The following FRMPD4 variants were observed in gnomAD, a reference collection of about 807,000 sequenced individuals.
FRMPD4 encodes the protein FERM and PDZ domain-containing protein 4.
A neutral mutation model predicts 94.1 loss-of-function variants in FRMPD4; 22 were observed. The observed-to-expected ratio is 0.23, with a 90% confidence interval of 0.17 to 0.33. FRMPD4 has a LOEUF of 0.33. Ranked by LOEUF, FRMPD4 falls within the 10% of genes least tolerant of loss-of-function variation. The probability of loss-of-function intolerance (pLI) is 1.00; values close to 1 mark genes in which losing one functional copy is unlikely to be tolerated. For synonymous variants in FRMPD4, 631 were observed against 548.6 expected (o/e 1.15, Z -2.10); for missense variants, 1,111 against 1,339.9 (o/e 0.83, Z 2.67).
intron 1 of FRMPD4, among the ~76,000 whole-genome samples, chrX:12,251,893 G>C (rs973427659): frequency 3.6e-5 from 4 of 112,021 alleles, no homozygotes; most frequent in Non-Finnish European, 7.5e-5. Flanking sequence ...ATTAGGCAAA[G>C]TGGCCGACCA....
At chrX:12,313,237 T>C (rs145670505) in intron 1 of FRMPD4, among the ~76,000 whole-genome samples, 1,504 of 111,744 alleles carry the variant, frequency 0.013, 28 homozygotes, top group African/African-American at 0.047. Flanking sequence ...GTGTCATTAG[T>C]GATTAGGAGG....
chrX:12,426,827 A>G (rs2056950407), intron 1 of FRMPD4, among the ~76,000 whole-genome samples: 1 of 110,762 alleles, frequency 9.0e-6, no homozygotes, highest in Non-Finnish European at 1.9e-5. Flanking sequence ...TTGACTTGGA[A>G]ATAAAACGCC....
At chrX:12,471,790 C>G (rs1267148391) in intron 1 of FRMPD4, among the ~76,000 whole-genome samples, 1 of 112,006 alleles carries the variant, frequency 8.9e-6, no homozygotes, top group African/African-American at 3.3e-5. Context: ...GTTTCACAAC[C>G]TTGGCACTCT....
chrX:11,931,012 G>A (rs1183141750), intron 3 of FRMPD4, among the ~76,000 whole-genome samples: 1 of 111,327 alleles, frequency 9.0e-6, no homozygotes, highest in African/African-American at 3.3e-5. Flanking sequence ...AGCCTGTCAG[G>A]GGAAACTTAA....
intron 2 of FRMPD4, among the ~76,000 whole-genome samples, chrX:12,539,219 A>T (rs2058376445): frequency 8.9e-6 from 1 of 112,038 alleles, no homozygotes. Context: ...AAATGAAGCA[A>T]GAAGAGAAGT....
intron 4 of FRMPD4, among the ~76,000 whole-genome samples, chrX:12,669,193 T>G (rs939748418): frequency 4.5e-5 from 5 of 111,472 alleles, no homozygotes; most frequent in African/African-American, 1.6e-4. Flanking sequence ...GCCACGTTGG[T>G]GAGATGGGGA....
At chrX:12,631,524 C>T in intron 4 of FRMPD4, among the ~76,000 whole-genome samples, 1 of 110,948 alleles carries the variant, frequency 9.0e-6, no homozygotes, top group Middle Eastern at 4.6e-3. Flanking sequence ...AGGTATTTCT[C>T]CTAATGCTAT....
chrX:12,278,071 C>A (rs1176031180), intron 1 of FRMPD4, among the ~76,000 whole-genome samples: 1 of 112,737 alleles, frequency 8.9e-6, no homozygotes, highest in Non-Finnish European at 1.9e-5. Context: ...ATTTTTTATT[C>A]TCTAGTTAGA....
intron 3 of FRMPD4, among the ~76,000 whole-genome samples, chrX:11,927,251 T>C (rs1455600836): frequency 8.9e-6 from 1 of 111,746 alleles, no homozygotes; most frequent in Non-Finnish European, 1.9e-5. Context: ...TCAGACATGA[T>C]GCAAACAAAT....
chrX:12,717,757 C>A lies in FRMPD4; in HGVS notation c.2931C>A (p.Thr977=), dbSNP rs759789728. The A allele has an allele frequency of 8.3e-7, 1 of 1,211,809 alleles. No homozygotes were observed. The highest frequency in any genetic ancestry group is 1.1e-6 in the Non-Finnish European group (1 of 895,368). ...SSHALAARPA[T]DLPPKVVPSK... ...ACGCCCTGGCTGCTAGGCCAGCAAC[C>A]GACCTCCCGCCCAAAGTTGTGCCTT... is the stretch of plus-strand genomic sequence containing the variant. The change falls in exon 16 of 17, where the codon ACC becomes ACA. Residue 977 remains threonine (T), a synonymous_variant. Transcript: ENST00000675598.
At chrX:12,585,436 G>A (rs759478857) in intron 2 of FRMPD4, among the ~76,000 whole-genome samples, 147 of 110,106 alleles carry the variant, frequency 1.3e-3, no homozygotes, top group African/African-American at 4.4e-3. Context: ...GGCCAGGCTG[G>A]TCTCGAACTC....
chrX:12,688,783 G>A (rs1197183542), intron 7 of FRMPD4, among the ~76,000 whole-genome samples: 2 of 104,752 alleles, frequency 1.9e-5, no homozygotes, highest in Non-Finnish European at 3.9e-5. Flanking sequence ...CATAGTCAAG[G>A]CATTTCTCTT....
intron 2 of FRMPD4, among the ~76,000 whole-genome samples, chrX:12,580,565 T>G (rs1037475020): frequency 8.9e-6 from 1 of 112,478 alleles, no homozygotes; most frequent in Non-Finnish European, 1.9e-5. Flanking sequence ...TATGTGAATG[T>G]GGTCTCTTTC....
At chrX:12,060,019 G>C (rs1387756088) in intron 3 of FRMPD4, among the ~76,000 whole-genome samples, 6 of 111,533 alleles carry the variant, frequency 5.4e-5, no homozygotes. Flanking sequence ...CCTTGTGGAA[G>C]ATGGATTCTA....
rs777926435 is a variant in FRMPD4, at chrX:12,107,923, T to C, written c.95+229905T>C. Among the ~76,000 whole-genome samples the C allele has an allele frequency of 2.7e-5, 3 of 111,157 alleles. No individual in the cohort carries two copies. The East Asian group carries it at 8.5e-4, about 31-fold the overall frequency. On this transcript the variant is annotated intron_variant, in intron 3 of 18. Coordinates refer to the FRMPD4 transcript ENST00000640291. The stretch of plus-strand genomic sequence containing the variant: ...AGCCTCCAAGAAATATGGGACTATG[T>C]GAAAAGACCAAATCTATGTCTGATT...
At chrX:12,351,608 G>C (rs1024676266) in intron 1 of FRMPD4, among the ~76,000 whole-genome samples, 3 of 112,602 alleles carry the variant, frequency 2.7e-5, no homozygotes, top group East Asian at 2.8e-4. Context: ...TTACATCCTA[G>C]AACAAGACAC....
intron 2 of FRMPD4, among the ~76,000 whole-genome samples, chrX:12,600,151 T>C (rs1034025833): frequency 9.1e-6 from 1 of 110,320 alleles, no homozygotes; most frequent in African/African-American, 3.3e-5. Flanking sequence ...AAAAAAGAAC[T>C]GCAGAAACAT....
chrX:12,114,275 T>G (rs1400456638), intron 3 of FRMPD4, among the ~76,000 whole-genome samples: 1 of 112,006 alleles, frequency 8.9e-6, no homozygotes, highest in Non-Finnish European at 1.9e-5. Context: ...AAATTTGAAC[T>G]GTTTTCTTTT....
At chrX:12,289,550 T>C (rs769683356) in intron 1 of FRMPD4, among the ~76,000 whole-genome samples, 4 of 111,748 alleles carry the variant, frequency 3.6e-5, no homozygotes, top group Admixed American at 9.5e-5. Flanking sequence ...TGTTGAGAAG[T>C]GCTACACTAG....
Sources: allele counts gnomAD v4.1 joint callset (sites outside exome capture counted in the v4.1 genomes callset), GRCh38; gene constraint gnomAD v4.1.1; transcripts MANE v1.5; gene names NCBI Gene and HGNC (gene_info 2026-07-23, HGNC 2026-07-21).